Variants in FARS2 observed in about 807,000 individuals in gnomAD.
FARS2 encodes phenylalanine--tRNA ligase, mitochondrial.
In FARS2, 40 loss-of-function variants were observed where a neutral mutation model predicts 46.4. That is an observed-to-expected ratio of 0.86 (90% CI 0.67 to 1.12). The LOEUF (loss-of-function observed/expected upper bound fraction) is 1.12. Ranked by LOEUF, FARS2 falls within the 50% of genes most tolerant of loss-of-function variation. The probability of loss-of-function intolerance (pLI) is 0.00; values close to 1 mark genes in which losing one functional copy is unlikely to be tolerated. For synonymous variants in FARS2, 234 were observed against 214.9 expected (o/e 1.09, Z -0.78); for missense variants, 513 against 567.9 (o/e 0.90, Z 0.98).
At chr6:5,461,491 C>T (rs765253779) in intron 4 of FARS2, among the ~76,000 whole-genome samples, 17 of 152,098 alleles carry the variant, frequency 1.1e-4, no homozygotes, top group South Asian at 2.1e-4. Flanking sequence ...TCACAATCAA[C>T]CCCAAAAAGT....
chr6:5,623,496 G>A (rs892030874), intron 6 of FARS2, among the ~76,000 whole-genome samples: 1 of 152,104 alleles, frequency 6.6e-6, no homozygotes, highest in Admixed American at 6.5e-5. Flanking sequence ...GGCGGATCAC[G>A]AGGTCAGGAG....
At chr6:5,354,141 A>C (rs907531535) in intron 1 of FARS2, among the ~76,000 whole-genome samples, 1 of 152,070 alleles carries the variant, frequency 6.6e-6, no homozygotes, top group Non-Finnish European at 1.5e-5. Context: ...AAGATAAAAC[A>C]TGGCCATTTC....
At chr6:5,561,677 T>C (rs1300302037) in intron 5 of FARS2, among the ~76,000 whole-genome samples, 1 of 152,124 alleles carries the variant, frequency 6.6e-6, no homozygotes, top group Non-Finnish European at 1.5e-5. Context: ...GAGGGTATTT[T>C]TGTTCCGGGA....
chr6:5,466,623 G>T (rs1162551426), intron 4 of FARS2: 2 of 985,296 alleles, frequency 2.0e-6, no homozygotes, highest in African/African-American at 1.7e-5. Context: ...ATGGCACCCA[G>T]CCATCCACTG....
chr6:5,693,330 C>A (rs748278206), intron 6 of FARS2, among the ~76,000 whole-genome samples: 1 of 152,204 alleles, frequency 6.6e-6, no homozygotes, highest in Non-Finnish European at 1.5e-5. Context: ...AGATCTGCCC[C>A]CTCACCACTA....
chr6:5,406,763 ACTC>A (rs1298171932), intron 3 of FARS2, among the ~76,000 whole-genome samples: 17 of 150,826 alleles, frequency 1.1e-4, no homozygotes, highest in Non-Finnish European at 5.9e-5. Flanking sequence ...GTACGTTTTC[ACTC>A]CTCATAAACA....
intron 6 of FARS2, among the ~76,000 whole-genome samples, chr6:5,762,429 A>G (rs557849107): frequency 1.3e-5 from 2 of 152,252 alleles, no homozygotes; most frequent in African/African-American, 4.8e-5. Flanking sequence ...CGGAGCAGTT[A>G]TTGTCATATA....
chr6:5,358,857 ATATTTTTC>A (rs894067088), intron 1 of FARS2, among the ~76,000 whole-genome samples: 1 of 152,036 alleles, frequency 6.6e-6, no homozygotes, highest in Admixed American at 6.5e-5. Flanking sequence ...TCTAAAAGTT[ATATTTTTC>A]TATTTGTTTT....
At chr6:5,464,559 C>G (rs1164812319) in intron 4 of FARS2, among the ~76,000 whole-genome samples, 2 of 152,174 alleles carry the variant, frequency 1.3e-5, no homozygotes, top group African/African-American at 2.4e-5. Context: ...CTCTCCTTAC[C>G]TTTACTCAAT....
At chr6:5,759,810 C>G (rs1198683483) in intron 6 of FARS2, among the ~76,000 whole-genome samples, 1 of 152,126 alleles carries the variant, frequency 6.6e-6, no homozygotes, top group Non-Finnish European at 1.5e-5. Context: ...AATGGGCTGC[C>G]CCACAAGGAA....
chr6:5,375,011 A>G (rs919829621), intron 2 of FARS2, among the ~76,000 whole-genome samples: 13 of 152,124 alleles, frequency 8.5e-5, no homozygotes, highest in Non-Finnish European at 1.5e-5. Flanking sequence ...AAATATTTCT[A>G]TCCAAATTAG....
chr6:5,374,338 A>G (rs1426237351), intron 2 of FARS2, among the ~76,000 whole-genome samples: 1 of 152,150 alleles, frequency 6.6e-6, no homozygotes, highest in Non-Finnish European at 1.5e-5. Flanking sequence ...TCAAGACTGT[A>G]AGAAGATATC....
At chr6:5,696,924 T>C (rs543581686) in intron 6 of FARS2, among the ~76,000 whole-genome samples, 2 of 152,250 alleles carry the variant, frequency 1.3e-5, no homozygotes, top group Non-Finnish European at 2.9e-5. Flanking sequence ...AGTGACTTAA[T>C]AAGCAGTAAA....
chr6:5,257,639 C>T (rs190276288), upstream of FARS2, among the ~76,000 whole-genome samples: 17 of 152,216 alleles, frequency 1.1e-4, no homozygotes, highest in African/African-American at 1.9e-4. Context: ...GTCAGATCAG[C>T]GGCGGCATTA....
At chr6:5,682,283 G>T (rs1341523742) in intron 6 of FARS2, among the ~76,000 whole-genome samples, 1 of 152,166 alleles carries the variant, frequency 6.6e-6, no homozygotes, top group Non-Finnish European at 1.5e-5. Flanking sequence ...ATTTGTATTG[G>T]AAGGAAATAG....
intron 6 of FARS2, among the ~76,000 whole-genome samples, chr6:5,651,008 G>C (rs550101245): frequency 6.6e-6 from 1 of 152,306 alleles, no homozygotes; most frequent in African/African-American, 2.4e-5. Context: ...TTTGATTAAA[G>C]ATGGCAGATT....
At chr6:5,589,771 A>G (rs1198693104) in intron 5 of FARS2, among the ~76,000 whole-genome samples, 4 of 152,256 alleles carry the variant, frequency 2.6e-5, no homozygotes, top group African/African-American at 9.6e-5. Context: ...TTGGTAAATC[A>G]TTTCCAAGTA....
At position 5,727,096 on chromosome 6, in the gene FARS2, C is replaced by T. The variant is rs1360713286; in HGVS notation, c.1218-44195C>T. Among the ~76,000 whole-genome samples the T allele has an allele frequency of 2.6e-5, 4 of 152,238 alleles. No individual in the cohort carries two copies. Among genetic ancestry groups the T allele is most frequent in the African/African-American group, 9.6e-5 (4 of 41,456 alleles). On this transcript the variant is annotated intron_variant, in intron 6 of 6. Coordinates refer to ENST00000274680, the MANE Select transcript of FARS2 (RefSeq NM_006567.5). The surrounding 1 kb of genome is among the most constrained non-coding windows in gnomAD (Gnocchi z 4.1). Reference sequence around the variant, plus strand: ...GGAGCAATGCCTCTGCAGTACCTACCTTCCTCACCGGGCTGTTACTGGTAG... The same window carrying T: ...GGAGCAATGCCTCTGCAGTACCTACTTTCCTCACCGGGCTGTTACTGGTAG...
chr6:5,715,766 T>C (rs1164053873), intron 6 of FARS2, among the ~76,000 whole-genome samples: 1 of 152,250 alleles, frequency 6.6e-6, no homozygotes, highest in Non-Finnish European at 1.5e-5. Context: ...TTTATGATGC[T>C]GCTATGAACA....
Sources: gnomAD v4.1 joint callset for allele counts (sites outside exome capture counted in the v4.1 genomes callset) on GRCh38, gnomAD v4.1.1 for gene constraint, Gnocchi (gnomAD v3.1) non-coding constraint, MANE v1.5 for transcripts, NCBI Gene and HGNC (gene_info 2026-07-23, HGNC 2026-07-21) for gene names.